CLVS1: variants seen among roughly 807,000 people sequenced by gnomAD.
CLVS1 encodes clavesin-1.
In CLVS1, 10 loss-of-function variants were observed where a neutral mutation model predicts 33.1. The observed-to-expected ratio is 0.30, with a 90% CI of 0.19 to 0.51. The LOEUF (loss-of-function observed/expected upper bound fraction) is 0.51, where lower values mean the gene tolerates loss of function less well. CLVS1 is among the 20% of genes least tolerant of loss of function. CLVS1 has a pLI of 0.97. For synonymous variants in CLVS1, 163 were observed against 166.1 expected, an observed-to-expected ratio of 0.98 and a Z score of 0.14; for missense variants, 343 against 433.4, an observed-to-expected ratio of 0.79 and a Z score of 1.85.
intron 2 of CLVS1, among the ~76,000 whole-genome samples, chr8:61,320,387 A>C (rs1178689024): frequency 1.3e-5 from 2 of 152,204 alleles, no homozygotes; most frequent in East Asian, 1.9e-4. Context: ...TTGTTAAAAA[A>C]AAAAGATAAG....
chr8:61,326,029 C>A (rs758038658), intron 2 of CLVS1, among the ~76,000 whole-genome samples: 50 of 152,278 alleles, frequency 3.3e-4, no homozygotes, highest in Middle Eastern at 6.8e-3. Flanking sequence ...CTTCATGACA[C>A]GAGTTGCCTT....
chr8:61,106,452 A>C (rs1563404854), intron 1 of CLVS1, among the ~76,000 whole-genome samples: 1 of 152,242 alleles, frequency 6.6e-6, no homozygotes, highest in Non-Finnish European at 1.5e-5. Flanking sequence ...CTGGGACGGA[A>C]AAACAATCCT....
chr8:61,475,260 T>G (rs1193195759), intron 5 of CLVS1, among the ~76,000 whole-genome samples: 1 of 152,244 alleles, frequency 6.6e-6, no homozygotes, highest in Non-Finnish European at 1.5e-5. Flanking sequence ...TAAACATGCG[T>G]GTGCATGTGT....
At chr8:60,996,896 G>A in the CLVS1 span, among the ~76,000 whole-genome samples, 1 of 152,042 alleles carries the variant, frequency 6.6e-6, no homozygotes, top group South Asian at 2.1e-4. Flanking sequence ...TGTTCAAGAG[G>A]CACACCACTG....
intron 1 of CLVS1, among the ~76,000 whole-genome samples, chr8:61,097,242 A>G (rs1311305983): frequency 6.6e-6 from 1 of 151,936 alleles, no homozygotes; most frequent in Non-Finnish European, 1.5e-5. Flanking sequence ...CAGTGAGCCG[A>G]GATCGCACCA....
intron 2 of CLVS1, among the ~76,000 whole-genome samples, chr8:61,360,729 T>C (rs1812938592): frequency 6.6e-6 from 1 of 152,220 alleles, no homozygotes; most frequent in Non-Finnish European, 1.5e-5. Flanking sequence ...TGAGATGCCA[T>C]TTATAGCACC....
At chr8:61,327,839 C>A (rs1046704240) in intron 2 of CLVS1, among the ~76,000 whole-genome samples, 1 of 152,152 alleles carries the variant, frequency 6.6e-6, no homozygotes. Flanking sequence ...ACAGACTGTG[C>A]AGTGGCCTTC....
At chr8:61,364,449 C>A (rs1270886877) in intron 2 of CLVS1, among the ~76,000 whole-genome samples, 1 of 152,208 alleles carries the variant, frequency 6.6e-6, no homozygotes, top group Non-Finnish European at 1.5e-5. Context: ...GCATTTCTAT[C>A]AAAACTGCCT....
chr8:61,467,936 G>A (rs548095071), intron 5 of CLVS1, among the ~76,000 whole-genome samples: 1 of 152,326 alleles, frequency 6.6e-6, no homozygotes, highest in South Asian at 2.1e-4. Flanking sequence ...CACAGGGTAT[G>A]TGTGTGCAGT....
chr8:61,497,964 G>C (rs542894683), intron 5 of CLVS1, among the ~76,000 whole-genome samples: 1 of 152,134 alleles, frequency 6.6e-6, no homozygotes, highest in Non-Finnish European at 1.5e-5. Flanking sequence ...TCTCATCGCC[G>C]TCTTGGTTTC....
rs183521410 is a variant in CLVS1, at chr8:61,106,674, T to A, written c.-242-25096T>A. Among the ~76,000 whole-genome samples, 162 of 152,280 alleles carry A rather than the reference T, an allele frequency of 1.1e-3. 1 individual carries two copies. Among genetic ancestry groups the A allele is most frequent in the African/African-American group, 3.6e-3 (148 of 41,556 alleles). ...CCAGGTGCAGGTGGCTTGGACCAGC[T>A]ACATGGAAACCCACGGAGATGCCTG... is the stretch of plus-strand genomic sequence containing the variant. On this transcript the variant is annotated intron_variant, in intron 1 of 2. Coordinates refer to the CLVS1 transcript ENST00000522621.
chr8:61,363,898 C>T (rs185584582), intron 2 of CLVS1, among the ~76,000 whole-genome samples: 11 of 152,104 alleles, frequency 7.2e-5, no homozygotes, highest in African/African-American at 1.7e-4. Context: ...TAGGCAGGGG[C>T]GCCATGGGTG....
chr8:61,443,402 T>G (rs1174519082), intron 3 of CLVS1, among the ~76,000 whole-genome samples: 2 of 152,210 alleles, frequency 1.3e-5, no homozygotes, highest in Non-Finnish European at 2.9e-5. Context: ...AATTTTTGAA[T>G]CAATTTTGTA....
At chr8:61,083,245 G>T (rs1563395808) in intron 1 of CLVS1, among the ~76,000 whole-genome samples, 1 of 152,194 alleles carries the variant, frequency 6.6e-6, no homozygotes, top group Non-Finnish European at 1.5e-5. Context: ...CTCCCAAGGT[G>T]CCATGGTGGT....
chr8:61,314,096 G>A (rs981867091), intron 2 of CLVS1, among the ~76,000 whole-genome samples: 2 of 152,158 alleles, frequency 1.3e-5, no homozygotes, highest in African/African-American at 4.8e-5. Flanking sequence ...GAAAGGCTTC[G>A]ACGTTACAGA....
chr8:61,190,361 C>A (rs1807443409), intron 2 of CLVS1, among the ~76,000 whole-genome samples: 1 of 152,126 alleles, frequency 6.6e-6, no homozygotes, highest in Non-Finnish European at 1.5e-5. Context: ...ATCTCTGGGA[C>A]ACATTTAAAG....
intron 5 of CLVS1, among the ~76,000 whole-genome samples, chr8:61,462,724 C>T (rs1253307993): frequency 3.3e-5 from 5 of 152,092 alleles, no homozygotes; most frequent in Admixed American, 2.0e-4. Flanking sequence ...CTCTGTAAAC[C>T]GTGCTATAAA....
intron 1 of CLVS1, among the ~76,000 whole-genome samples, chr8:61,088,744 T>G (rs1391272411): frequency 6.6e-6 from 1 of 152,108 alleles, no homozygotes; most frequent in Non-Finnish European, 1.5e-5. Flanking sequence ...GAAATGTCCA[T>G]TTTTACACAT....
At chr8:61,190,996 AAG>A (rs1807460671) in intron 2 of CLVS1, among the ~76,000 whole-genome samples, 1 of 152,222 alleles carries the variant, frequency 6.6e-6, no homozygotes, top group South Asian at 2.1e-4. Flanking sequence ...TCAATAGAAA[AAG>A]AGGGAATCCT....
Sources: allele counts gnomAD v4.1 joint callset (sites outside exome capture counted in the v4.1 genomes callset), GRCh38; gene constraint gnomAD v4.1.1; transcripts MANE v1.5; gene names NCBI Gene and HGNC (gene_info 2026-07-23, HGNC 2026-07-21).